Variants in PHF13 observed in about 807,000 individuals in gnomAD.
PHF13 encodes PHD finger protein 13.
A neutral mutation model predicts 25.8 loss-of-function variants in PHF13; 1 was observed. The ratio of observed to expected loss-of-function variants is 0.04; its 90% CI spans 0.01 to 0.18. The LOEUF is 0.18. Ranked by LOEUF, PHF13 falls within the 10% of genes least tolerant of loss-of-function variation. The pLI is 1.00. For synonymous variants in PHF13, 195 were observed against 162.4 expected, an observed-to-expected ratio of 1.20 and a Z score of -1.53; for missense variants, 306 against 403.2, an observed-to-expected ratio of 0.76 and a Z score of 2.06.
rs1456325621 is a variant in PHF13, at chr1:6,623,275, G to A, written c.*1638G>A. 1 of 152,474 alleles carries A rather than the reference G, an allele frequency of 6.6e-6. No homozygotes were observed. Among genetic ancestry groups the A allele is most frequent in the Non-Finnish European group, 1.5e-5 (1 of 68,032 alleles). 9.4% of individuals were successfully genotyped at this position (152,474 alleles called of 1,614,324 possible). A position where few individuals can be genotyped will look rare whatever the true frequency, so the allele number is the denominator to read the frequency against. On this transcript the variant is annotated 3_prime_UTR_variant, in exon 4 of 4. Coordinates refer to ENST00000377648, the MANE Select transcript of PHF13 (RefSeq NM_153812.3). ...GTCTTATTTTTTTAAAAGTTCTGTT[G>A]CTTGTATTAACACGAAACTAGAGAG...
intron 1 of PHF13, 131 bp from the exon 2 acceptor site, chr1:6,616,626 T>G (rs1479798612): frequency 8.2e-6 from 6 of 727,984 alleles, no homozygotes; most frequent in Non-Finnish European, 1.5e-5. Context: ...ATCTTGTTTG[T>G]GGACTGTGTA....
chr1:6,614,404 C>G, intron 1 of PHF13: 1 of 384,914 alleles, frequency 2.6e-6, no homozygotes, highest in South Asian at 3.2e-5. Flanking sequence ...TCGCGTCGAC[C>G]TGGGACCTGT....
Position 6,620,209 on chromosome 1 carries a change from C to A in PHF13, c.548C>A (p.Thr183Asn). ...ACTCCCTCGAGTGGATCTTGTGCCACTGTGTCACCTGATCAGGTCAAAGAA... is the reference window on the plus strand; with the variant it reads ...ACTCCCTCGAGTGGATCTTGTGCCAATGTGTCACCTGATCAGGTCAAAGAA... ...SDTPSSGSCA[T>N]VSPDQVKEIK... Residue 183 changes from threonine to asparagine, a missense_variant, in exon 3 of 4, where the codon ACT becomes AAT. Around this residue, in one of 5 missense-constraint regions of PHF13, gnomAD observed 186 missense variants for 164.0 expected, o/e 1.13. Transcript: ENST00000377648. 1 of 1,614,026 alleles carries A rather than the reference C, an allele frequency of 6.2e-7. No individual in the cohort carries two copies. The highest frequency in any genetic ancestry group is 1.7e-5 in the Admixed American group (1 of 60,006).
intron 1 of PHF13, 197 bp downstream of exon 1, chr1:6,614,302 G>A: frequency 2.0e-6 from 1 of 507,520 alleles, no homozygotes; most frequent in Non-Finnish European, 3.3e-6. Flanking sequence ...CCTCGCCTCC[G>A]CGTCCCCTCC....
chr1:6,622,757 T>TGCCGAGTTTTAAGGAA lies in PHF13; in HGVS notation c.*1121_*1122insCCGAGTTTTAAGGAAG, dbSNP rs1641359150. 1 of 152,240 alleles carries TGCCGAGTTTTAAGGAA rather than the reference T, an allele frequency of 6.6e-6. No individual in the cohort carries two copies. Among genetic ancestry groups the TGCCGAGTTTTAAGGAA allele is most frequent in the Non-Finnish European group, 1.5e-5 (1 of 68,062 alleles). The allele number at this position is 152,240 out of a possible 1,614,324, so 9.4% of individuals were successfully genotyped here. On this transcript the variant is annotated 3_prime_UTR_variant, in exon 4 of 4. Coordinates refer to ENST00000377648, the MANE Select transcript of PHF13 (RefSeq NM_153812.3). ...GGCCTTCAGGATGACCCCTTGGAAC[T>TGCCGAGTTTTAAGGAA]GTGCCGAGTTCCTTAAATCTCAGCT...
At chr1:6,619,719 G>T (rs1404418125) in intron 2 of PHF13, 84 bp from the exon 3 acceptor site, 1 of 1,402,896 alleles carries the variant, frequency 7.1e-7, no homozygotes, top group Non-Finnish European at 9.7e-7. Context: ...CTGGAGGTCT[G>T]ACATGGCTGG....
rs1193794289 is a variant in PHF13, at chr1:6,613,995, A to C, written c.-72A>C. 751 of 969,140 alleles carry C rather than the reference A, an allele frequency of 7.7e-4. No individual in the cohort carries two copies. The highest frequency in any genetic ancestry group is 2.8e-3 in the East Asian group (68 of 24,250). The allele number at this position is 969,140 out of a possible 1,614,324, so 60.0% of individuals were successfully genotyped here. A position where few individuals can be genotyped will look rare whatever the true frequency, so the allele number is the denominator to read the frequency against. On this transcript the variant is annotated 5_prime_UTR_variant, in exon 1 of 4. Transcript: ENST00000377648. ...GCCCTGCGCAGCCGCCCGAGCCCCCAGCCCCGGGCGGCCCCGCTCCAGCAT... is the reference window on the plus strand; with the variant it reads ...GCCCTGCGCAGCCGCCCGAGCCCCCCGCCCCGGGCGGCCCCGCTCCAGCAT...
rs906245001 is a variant in PHF13 at position 6,621,713 on chromosome 1, C to T, written c.*76C>T. 7.0e-6 allele frequency: 10 copies of T among 1,421,936 alleles called. No individual in the cohort carries two copies. The highest frequency in any genetic ancestry group is 8.8e-6 in the Non-Finnish European group (9 of 1,020,336). The allele number at this position is 1,421,936 out of a possible 1,614,324, so 88.1% of individuals were successfully genotyped here. A position where few individuals can be genotyped will look rare whatever the true frequency, so the allele number is the denominator to read the frequency against. ...CTTTTTTGCCCTTCTCTTAGTTGAGCACAGAACCCTCAGCTCTGGTGCGGG... is the reference window on the plus strand; with the variant it reads ...CTTTTTTGCCCTTCTCTTAGTTGAGTACAGAACCCTCAGCTCTGGTGCGGG... On this transcript the variant is annotated 3_prime_UTR_variant, in exon 4 of 4. Coordinates refer to ENST00000377648, the MANE Select transcript of PHF13 (RefSeq NM_153812.3). The surrounding 1 kb of genome is among the most constrained non-coding windows in gnomAD (Gnocchi z 4.8).
intron 2 of PHF13, among the ~76,000 whole-genome samples, chr1:6,618,053 A>T (rs1294303635): frequency 6.6e-6 from 1 of 152,174 alleles, no homozygotes. Flanking sequence ...ACTTGCTGAG[A>T]ACAGGGCAGG....
At chr1:6,616,706 C>T (rs549073768) in intron 1 of PHF13, 51 bp from the exon 2 acceptor site, 17 of 1,489,360 alleles carry the variant, frequency 1.1e-5, no homozygotes, top group South Asian at 4.5e-5. Context: ...TCTGTGATTC[C>T]GCCTGGAAGC....
At chr1:6,620,495 A>G (rs1641322493) in intron 3 of PHF13, among the ~76,000 whole-genome samples, 158 bp downstream of exon 3, 3 of 152,228 alleles carry the variant, frequency 2.0e-5, no homozygotes, top group South Asian at 4.1e-4. Flanking sequence ...AGGAATGTGG[A>G]TATCGAGATG....
chr1:6,615,845 A>G (rs1323444814), intron 1 of PHF13, among the ~76,000 whole-genome samples: 6 of 151,976 alleles, frequency 3.9e-5, no homozygotes, highest in Non-Finnish European at 8.8e-5. Flanking sequence ...CTTCGCAGTA[A>G]GGTTCTTGGT....
chr1:6,615,208 C>T (rs1354863453), intron 1 of PHF13, among the ~76,000 whole-genome samples: 1 of 151,936 alleles, frequency 6.6e-6, no homozygotes, highest in African/African-American at 2.4e-5. Context: ...CGCGCGCCCC[C>T]GGCCCGAGGC....
intron 2 of PHF13, among the ~76,000 whole-genome samples, chr1:6,617,947 G>T (rs1641284747): frequency 6.6e-6 from 1 of 152,160 alleles, no homozygotes; most frequent in African/African-American, 2.4e-5. Flanking sequence ...CAGTGCACAC[G>T]CTGCCTCTGT....
intron 1 of PHF13, among the ~76,000 whole-genome samples, 167 bp from the exon 2 acceptor site, chr1:6,616,590 G>A (rs1473102713): frequency 6.6e-6 from 1 of 152,160 alleles, no homozygotes; most frequent in African/African-American, 2.4e-5. Flanking sequence ...TGAAAATAGT[G>A]TTATTTCTTG....
At position 6,621,667 on chromosome 1, in the gene PHF13, G is replaced by A. The variant is rs373567284; in HGVS notation, c.*30G>A. The stretch of plus-strand genomic sequence containing the variant: ...TGGCTGGCGAGGAGGCTGCGAGCGT[G>A]GAATCGGAAGCGACCGCGGGCTTTT... On this transcript the variant is annotated 3_prime_UTR_variant, in exon 4 of 4. Transcript: ENST00000377648. The surrounding 1 kb of genome is among the most constrained non-coding windows in gnomAD (Gnocchi z 4.8). The A allele has an allele frequency of 8.1e-6, 13 of 1,607,846 alleles. No homozygotes were observed. Among genetic ancestry groups the A allele is most frequent in the Non-Finnish European group, 1.1e-5 (13 of 1,174,878 alleles).
intron 1 of PHF13, 81 bp downstream of exon 1, chr1:6,614,186 C>T (rs1215081427): frequency 1.1e-5 from 15 of 1,329,138 alleles, no homozygotes; most frequent in Middle Eastern, 2.2e-4. Flanking sequence ...GACCCCCGGT[C>T]GCCCGGAGCG....
At position 6,620,340 on chromosome 1, in the gene PHF13, G is replaced by A. The variant is rs776067952; in HGVS notation, c.676+3G>A. On this transcript the variant is annotated splice_donor_region_variant and intron_variant, in intron 3 of 3. Transcript: ENST00000377648. ...TGAGGACATCATGGTGGACTCAGGT[G>A]AGTGGTCCCTGAAGGATGATGACCC... The A allele has an allele frequency of 2.5e-6, 4 of 1,608,640 alleles. No individual in the cohort carries two copies. The highest frequency in any genetic ancestry group is 3.4e-5 in the Admixed American group (2 of 59,576).
rs1570228128 is a variant in PHF13, at chr1:6,619,823, C to T, written c.162C>T (p.Ser54=). Residue 54 remains serine (S), a synonymous_variant, in exon 3 of 4, where the codon AGC becomes AGT. Transcript: ENST00000377648. Reference sequence around the variant, plus strand: ...TTTAGGAACTCCCTTTAAGGAGCAGCCCCAGCCCTGCTAACAGCACTGCTG... The same window carrying T: ...TTTAGGAACTCCCTTTAAGGAGCAGTCCCAGCCCTGCTAACAGCACTGCTG... The part of the protein sequence containing the change: ...YPKEELPLRS[S]PSPANSTAGT... 6.2e-7 allele frequency: 1 copy of T among 1,609,136 alleles called. No homozygotes were observed. The highest frequency in any genetic ancestry group is 8.5e-7 in the Non-Finnish European group (1 of 1,177,748).
Sources: gnomAD v4.1 joint callset for allele counts (sites outside exome capture counted in the v4.1 genomes callset) on GRCh38, gnomAD v4.1.1 for gene constraint, gnomAD v4.1.1 regional missense constraint, Gnocchi (gnomAD v3.1) non-coding constraint, MANE v1.5 for transcripts, NCBI Gene and HGNC (gene_info 2026-07-23, HGNC 2026-07-21) for gene names.